Variants in ELMO1 observed in about 807,000 individuals in gnomAD.
ELMO1 encodes the protein engulfment and cell motility protein 1.
Under a neutral mutation model 98.9 loss-of-function variants are expected in ELMO1, and 26 were observed. The observed-to-expected ratio is 0.26, with a 90% CI of 0.19 to 0.36. ELMO1 has a LOEUF of 0.36. Among genes scored for constraint, ELMO1 ranks in the 10% least tolerant of loss-of-function variants. The pLI is 1.00. For synonymous variants in ELMO1, 346 were observed against 346.0 expected, an observed-to-expected ratio of 1.00 and a Z score of 0.00; for missense variants, 627 against 935.2, an observed-to-expected ratio of 0.67 and a Z score of 4.30.
At chr7:37,240,293 C>A (rs1450825399) in intron 7 of ELMO1, among the ~76,000 whole-genome samples, 1 of 151,990 alleles carries the variant, frequency 6.6e-6, no homozygotes, top group Non-Finnish European at 1.5e-5. Context: ...CCTGCCTTGG[C>A]CTCCCCAAGT....
At chr7:36,858,115 A>G (rs1043867009) in intron 21 of ELMO1, among the ~76,000 whole-genome samples, 3 of 152,208 alleles carry the variant, frequency 2.0e-5, no homozygotes, top group African/African-American at 7.2e-5. Flanking sequence ...GATGCTTACT[A>G]TTTTGAAAAC....
intron 10 of ELMO1, among the ~76,000 whole-genome samples, chr7:37,218,528 C>T (rs1232084471): frequency 6.6e-6 from 1 of 151,922 alleles, no homozygotes; most frequent in East Asian, 1.9e-4. Flanking sequence ...ATTTTTTGGT[C>T]TAATAGTAAG....
At chr7:37,023,997 C>G (rs76426817) in intron 15 of ELMO1, among the ~76,000 whole-genome samples, 18,512 of 152,188 alleles carry the variant, frequency 0.12, 1,247 homozygotes, top group Middle Eastern at 0.18. Flanking sequence ...AAGTGTTGCA[C>G]GTTTCTTTCA....
chr7:37,033,403 G>C (rs575167830), intron 15 of ELMO1: 4 of 455,282 alleles, frequency 8.8e-6, no homozygotes, highest in African/African-American at 6.0e-5. Context: ...TTTTTCAGGA[G>C]ATAAGTGATC....
intron 14 of ELMO1, among the ~76,000 whole-genome samples, chr7:37,117,506 C>T (rs1785683292): frequency 6.6e-6 from 1 of 152,176 alleles, no homozygotes; most frequent in Admixed American, 6.5e-5. Flanking sequence ...ATGATCTCAT[C>T]CTCATGCTTG....
intron 1 of ELMO1, among the ~76,000 whole-genome samples, chr7:37,444,113 G>A (rs1480704511): frequency 6.6e-6 from 1 of 152,108 alleles, no homozygotes; most frequent in African/African-American, 2.4e-5. Flanking sequence ...ATGTTGCCCA[G>A]GCTGAGTTGT....
intron 9 of ELMO1, among the ~76,000 whole-genome samples, chr7:37,224,223 C>T (rs1793746647): frequency 6.6e-6 from 1 of 152,202 alleles, no homozygotes; most frequent in Admixed American, 6.5e-5. Context: ...TAGCACTGTA[C>T]AATAGAGTCC....
At chr7:36,868,712 A>C (rs1803253665) in intron 20 of ELMO1, among the ~76,000 whole-genome samples, 1 of 152,196 alleles carries the variant, frequency 6.6e-6, no homozygotes. Flanking sequence ...GGGCTGAAAC[A>C]GGAAGTCCCT....
Position 37,019,743 on chromosome 7 carries a change from C to T in ELMO1, c.1301-6308G>A, listed in dbSNP as rs17170839. Among the ~76,000 whole-genome samples, 1,239 of 152,148 alleles carry T rather than the reference C, an allele frequency of 8.1e-3. 34 individuals are homozygous for T. Among genetic ancestry groups the T allele is most frequent in the East Asian group, 0.058 (300 of 5,184 alleles). Reference sequence around the variant, plus strand: ...ACAAAAATAGTAAGACGTTTAAAAACGAAATTGTTTTAATCACACTATTTT... The same window carrying T: ...ACAAAAATAGTAAGACGTTTAAAAATGAAATTGTTTTAATCACACTATTTT... On this transcript the variant is annotated intron_variant, in intron 15 of 21. Transcript: ENST00000310758.
intron 16 of ELMO1, among the ~76,000 whole-genome samples, chr7:36,972,704 G>A (rs1051124877): frequency 5.9e-5 from 9 of 152,150 alleles, no homozygotes; most frequent in African/African-American, 2.2e-4. Context: ...GATTACCTCT[G>A]TAAGACCCTA....
At chr7:37,260,078 A>G (rs1795902359) in intron 5 of ELMO1, among the ~76,000 whole-genome samples, 1 of 152,204 alleles carries the variant, frequency 6.6e-6, no homozygotes, top group Non-Finnish European at 1.5e-5. Flanking sequence ...CTTCTGGGTA[A>G]TAATTTGTAG....
At chr7:37,374,424 C>T (rs1802243286) in intron 1 of ELMO1, among the ~76,000 whole-genome samples, 1 of 152,122 alleles carries the variant, frequency 6.6e-6, no homozygotes, top group South Asian at 2.1e-4. Context: ...TTACTGGTTG[C>T]CAGATAAAAA....
At chr7:36,985,193 G>C (rs1791408193) in intron 16 of ELMO1, 1 of 839,662 alleles carries the variant, frequency 1.2e-6, no homozygotes, top group Non-Finnish European at 1.4e-6. Context: ...TCCTGGCAGA[G>C]AGCCAATCCT....
chr7:37,054,066 T>G (rs1347331012), intron 15 of ELMO1, among the ~76,000 whole-genome samples: 1 of 152,224 alleles, frequency 6.6e-6, no homozygotes, highest in African/African-American at 2.4e-5. Context: ...AGACTCATGC[T>G]TCCTCCAGGG....
At position 37,016,657 on chromosome 7, in the gene ELMO1, CG is replaced by C. The variant is rs1793953670; in HGVS notation, c.1301-3223del. Among the ~76,000 whole-genome samples, 4 of 152,296 alleles carry C rather than the reference CG, an allele frequency of 2.6e-5. No homozygotes were observed. In the South Asian group the frequency reaches 8.3e-4, roughly 32 times the overall value. ...CCAGTGCCTGCTGACTGAGAACACT[CG>C]GCCATGAGATAGCAGTACCAAGGCC... On this transcript the variant is annotated intron_variant, in intron 15 of 21. Transcript: ENST00000310758.
intron 14 of ELMO1, among the ~76,000 whole-genome samples, chr7:37,121,837 A>G (rs1017917810): frequency 6.6e-6 from 1 of 152,208 alleles, no homozygotes; most frequent in African/African-American, 2.4e-5. Flanking sequence ...TAATTGTCAG[A>G]TTCACCAAAG....
chr7:37,408,689 C>T (rs1803876256), intron 1 of ELMO1, among the ~76,000 whole-genome samples: 1 of 152,050 alleles, frequency 6.6e-6, no homozygotes, highest in South Asian at 2.1e-4. Context: ...GGTTATACTT[C>T]TAGGGATTAT....
At chr7:37,433,719 A>G (rs1413829119) in intron 1 of ELMO1, among the ~76,000 whole-genome samples, 2 of 152,128 alleles carry the variant, frequency 1.3e-5, no homozygotes, top group Non-Finnish European at 2.9e-5. Flanking sequence ...TGCCTCAAGG[A>G]AAGCCCCCCA....
At chr7:37,316,182 T>C (rs551759218) in intron 2 of ELMO1, among the ~76,000 whole-genome samples, 4 of 152,336 alleles carry the variant, frequency 2.6e-5, no homozygotes, top group African/African-American at 9.6e-5. Flanking sequence ...CTTTTTTCTA[T>C]ACTTAGCATA....
Sources: gnomAD v4.1 joint callset for allele counts (sites outside exome capture counted in the v4.1 genomes callset) on GRCh38, gnomAD v4.1.1 for gene constraint, MANE v1.5 for transcripts, NCBI Gene and HGNC (gene_info 2026-07-23, HGNC 2026-07-21) for gene names.